Variants in OOSP3 observed in about 807,000 individuals in gnomAD.
OOSP3 encodes oocyte secreted protein family member 3.
In OOSP3 at chr11:59,885,323, CT is replaced by C. The variant is rs757785892; in HGVS notation, c.252+4890del. Among the ~76,000 whole-genome samples, 19 of 152,166 alleles carry C rather than the reference CT, an allele frequency of 1.2e-4. No homozygotes were observed. In the South Asian group the frequency reaches 2.7e-3, roughly 22 times the overall value. On this transcript the variant is annotated intron_variant, in intron 2 of 4. Transcript: ENST00000646438. ...GCGTGGTTAGACAATGATTTCTTCT[CT>C]TTTTTCTTCAACTTTAATTTTAAGT...
intron 2 of OOSP3, among the ~76,000 whole-genome samples, chr11:59,884,113 T>C (rs1487535504): frequency 6.6e-6 from 1 of 152,194 alleles, no homozygotes; most frequent in African/African-American, 2.4e-5. Context: ...GTGGCTTAAA[T>C]AACAGACAGC....
At position 59,884,475 on chromosome 11, in the gene OOSP3, GTCTCTCTCTCTCTCTC is replaced by G. The variant is rs60145654; in HGVS notation, c.252+4066_252+4081del. On this transcript the variant is annotated intron_variant, in intron 2 of 4. Coordinates refer to ENST00000646438, the Ensembl canonical transcript of OOSP3. ...TGTCTGTCTGTCTGTCTGTCTGTCT[GTCTCTCTCTCTCTCTC>G]TCTCTCTCTCTCTCTCTCTCTCTCT... Among the ~76,000 whole-genome samples the G allele has an allele frequency of 4.1e-3, 466 of 113,876 alleles. 3 individuals are homozygous for G. The highest frequency in any genetic ancestry group is 0.013 in the Middle Eastern group (3 of 240). The allele number at this position is 113,876 out of a possible 152,430, so 74.7% of individuals were successfully genotyped here. A position where few individuals can be genotyped will look rare whatever the true frequency, so the allele number is the denominator to read the frequency against.
At chr11:59,882,141 T>C (rs888471833) in intron 2 of OOSP3, among the ~76,000 whole-genome samples, 1 of 152,202 alleles carries the variant, frequency 6.6e-6, no homozygotes, top group African/African-American at 2.4e-5. Flanking sequence ...AGCCAACTTT[T>C]CAAAGTTTAT....
intron 1 of OOSP3, among the ~76,000 whole-genome samples, chr11:59,879,891 C>T (rs1180490341): frequency 6.6e-6 from 1 of 152,194 alleles, no homozygotes; most frequent in African/African-American, 2.4e-5. Context: ...AGTGCCCTAT[C>T]AGTCATTTAC....
At chr11:59,891,637 G>A (rs772941278) in intron 2 of OOSP3, among the ~76,000 whole-genome samples, 2 of 152,220 alleles carry the variant, frequency 1.3e-5, no homozygotes, top group African/African-American at 4.8e-5. Context: ...TCCTCTGGGA[G>A]CTTTGTCCCA....
Position 59,885,027 on chromosome 11 carries a change from A to G in OOSP3, c.252+4588A>G, listed in dbSNP as rs73490949. ...TGTGGGATTTTCACAGGTGCTCTTA[A>G]TCAGGTTGAGGACGTGCCCTTTTAT... On this transcript the variant is annotated intron_variant, in intron 2 of 4. Transcript: ENST00000646438. Among the ~76,000 whole-genome samples the G allele has an allele frequency of 4.6e-5, 7 of 152,316 alleles. No individual in the cohort carries two copies. The South Asian group carries it at 1.5e-3, about 32-fold the overall frequency.
chr11:59,895,979 T>G (rs1481145052), intron 4 of OOSP3, among the ~76,000 whole-genome samples, 154 bp from the exon 5 acceptor site: 1 of 152,206 alleles, frequency 6.6e-6, no homozygotes, highest in Non-Finnish European at 1.5e-5. Context: ...AATAAAAATT[T>G]TCAACTCTTT....
chr11:59,893,874 C>G (rs1853333428), intron 2 of OOSP3, among the ~76,000 whole-genome samples: 1 of 152,160 alleles, frequency 6.6e-6, no homozygotes, highest in Non-Finnish European at 1.5e-5. Flanking sequence ...CACATATTAA[C>G]TGATTGCACT....
intron 2 of OOSP3, among the ~76,000 whole-genome samples, chr11:59,890,338 T>C (rs951400702): frequency 1.3e-5 from 2 of 152,184 alleles, no homozygotes; most frequent in African/African-American, 4.8e-5. Context: ...GCTGGTTAAT[T>C]TGCAGACTTG....
intron 2 of OOSP3, among the ~76,000 whole-genome samples, chr11:59,884,463 GTCTGTCTGTCTGTCTCTC>G (rs1470760753): frequency 2.6e-5 from 3 of 117,142 alleles, no homozygotes; most frequent in African/African-American, 8.2e-5. Context: ...CTGTCTGTCT[GTCTGTCTGTCTGTCTCTC>G]TCTCTCTCTC....
At chr11:59,896,072 A>G in intron 4 of OOSP3, 61 bp from the exon 5 acceptor site, 1 of 397,916 alleles carries the variant, frequency 2.5e-6, no homozygotes. Context: ...TTACTGTGCC[A>G]AGTTTATCAA....
chr11:59,883,349 A>G (rs1853221175), intron 2 of OOSP3, among the ~76,000 whole-genome samples: 2 of 152,248 alleles, frequency 1.3e-5, no homozygotes, highest in Non-Finnish European at 2.9e-5. Context: ...TAAAATGATT[A>G]GATTTTATTA....
intron 2 of OOSP3, among the ~76,000 whole-genome samples, chr11:59,890,858 A>G (rs151319226): frequency 6.6e-6 from 1 of 152,288 alleles, no homozygotes; most frequent in African/African-American, 2.4e-5. Flanking sequence ...CCTGGATGAT[A>G]TCCTGAAGTG....
At chr11:59,894,359 T>C (rs937308574) in intron 3 of OOSP3, among the ~76,000 whole-genome samples, 183 bp downstream of exon 3, 3 of 152,250 alleles carry the variant, frequency 2.0e-5, no homozygotes, top group Admixed American at 6.5e-5. Context: ...TCTGCCCAAA[T>C]GCCCTGGGAC....
chr11:59,890,376 G>C lies in OOSP3; in HGVS notation c.253-3703G>C, dbSNP rs1221744633. Among the ~76,000 whole-genome samples, 4 of 152,144 alleles carry C rather than the reference G, an allele frequency of 2.6e-5. No homozygotes were observed. The East Asian group carries it at 7.7e-4, about 29-fold the overall frequency. Reference sequence around the variant, plus strand: ...AATGTAGTTGCTTCATAGTGTCATTGGTCTGTGTACTTTAGTGTGTTTTTG... The same window carrying C: ...AATGTAGTTGCTTCATAGTGTCATTCGTCTGTGTACTTTAGTGTGTTTTTG... On this transcript the variant is annotated intron_variant, in intron 2 of 4. Coordinates refer to ENST00000646438, the Ensembl canonical transcript of OOSP3.
intron 2 of OOSP3, among the ~76,000 whole-genome samples, chr11:59,893,823 G>GT (rs1853333017): frequency 6.6e-6 from 1 of 152,198 alleles, no homozygotes; most frequent in Non-Finnish European, 1.5e-5. Flanking sequence ...CTTGTTCCTA[G>GT]TCTGGCAATT....
intron 1 of OOSP3, among the ~76,000 whole-genome samples, chr11:59,879,688 A>G (rs1462337579): frequency 6.6e-6 from 1 of 152,224 alleles, no homozygotes; most frequent in Non-Finnish European, 1.5e-5. Context: ...TTACCACACA[A>G]GGTTTTAATC....
At chr11:59,890,812 T>C (rs1853304762) in intron 2 of OOSP3, among the ~76,000 whole-genome samples, 1 of 152,224 alleles carries the variant, frequency 6.6e-6, no homozygotes, top group African/African-American at 2.4e-5. Context: ...TTCCTGAATT[T>C]GAAGGTTAGC....
At chr11:59,891,707 G>C (rs1462684900) in intron 2 of OOSP3, among the ~76,000 whole-genome samples, 1 of 152,208 alleles carries the variant, frequency 6.6e-6, no homozygotes, top group African/African-American at 2.4e-5. Flanking sequence ...GGCAACCCCT[G>C]TTGGGAGGTC....
Sources: gnomAD v4.1 joint callset for allele counts (sites outside exome capture counted in the v4.1 genomes callset) on GRCh38, gnomAD v4.1.1 for gene constraint, MANE v1.5 for transcripts, NCBI Gene and HGNC (gene_info 2026-07-23, HGNC 2026-07-21) for gene names.